ATP5F1A: variants seen among roughly 807,000 people sequenced by gnomAD.
ATP5F1A encodes the protein ATP synthase F(1) complex subunit alpha, mitochondrial.
A neutral mutation model predicts 57.4 loss-of-function variants in ATP5F1A; 24 were observed. The observed-to-expected ratio is 0.42, with a 90% CI of 0.30 to 0.59. ATP5F1A has a LOEUF of 0.59. ATP5F1A is among the 20% of genes least tolerant of loss of function. ATP5F1A has a pLI of 0.19. For missense variants in ATP5F1A, 494 were observed against 707.9 expected (o/e 0.70, Z 3.43); for synonymous variants, 251 against 255.5 (o/e 0.98, Z 0.17).
upstream of ATP5F1A, chr18:46,099,173 CAGA>C (rs1911188582): frequency 6.6e-6 from 1 of 152,218 alleles, no homozygotes; most frequent in African/African-American, 2.4e-5. Flanking sequence ...TGTCCAGAAT[CAGA>C]AGTTTACACC....
intron 2 of ATP5F1A, among the ~76,000 whole-genome samples, chr18:46,094,144 C>T (rs73440254): frequency 0.044 from 6,431 of 147,770 alleles, 443 homozygotes; most frequent in African/African-American, 0.15. Flanking sequence ...ATATGCTGAA[C>T]GTGGGGGTGT....
Position 46,086,214 on chromosome 18 carries a change from A to G in ATP5F1A, c.1328T>C (p.Val443Ala). 3 of 1,613,218 alleles carry G rather than the reference A, an allele frequency of 1.9e-6. No homozygotes were observed. Among genetic ancestry groups the G allele is most frequent in the Non-Finnish European group, 2.5e-6 (3 of 1,180,028 alleles). ...MKLELAQYRE[V>A]AAFAQFGSDL... ...AGAACCGAACTGGGCAAAAGCAGCAACCTCACGATACTGAGCCAATTCCAG... is the reference window on the plus strand; with the variant it reads ...AGAACCGAACTGGGCAAAAGCAGCAGCCTCACGATACTGAGCCAATTCCAG... The change falls in exon 10 of 12, where the codon GTT (valine) becomes GCT (alanine). Residue 443 changes from valine to alanine, a missense_variant. Transcript: ENST00000398752.
In ATP5F1A at chr18:46,089,816, A is replaced by C. The variant is rs1218895617; in HGVS notation, c.483+7T>G. On this transcript the variant is annotated splice_region_variant and intron_variant, in intron 4 of 11. Transcript: ENST00000398752. ...CTGCAACTATATCTAACGAACATTA[A>C]ACCTACCTTTCCATCAATAGCATTA... is the stretch of plus-strand genomic sequence containing the variant. The C allele has an allele frequency of 6.2e-7, 1 of 1,610,296 alleles. No homozygotes were observed. The highest frequency in any genetic ancestry group is 8.5e-7 in the Non-Finnish European group (1 of 1,178,038).
At chr18:46,094,951 A>G in intron 2 of ATP5F1A, 102 bp downstream of exon 2, 1 of 1,393,640 alleles carries the variant, frequency 7.2e-7, no homozygotes, top group Non-Finnish European at 9.4e-7. Flanking sequence ...CAAACTAGAG[A>G]AAAAACTAAC....
At chr18:46,085,972 G>A in intron 10 of ATP5F1A, 141 bp downstream of exon 10, 3 of 908,456 alleles carry the variant, frequency 3.3e-6, no homozygotes, top group Non-Finnish European at 4.7e-6. Context: ...AACAAATGTA[G>A]TTTAAGTAAA....
At chr18:46,087,905 G>A in intron 6 of ATP5F1A, 1 of 578,346 alleles carries the variant, frequency 1.7e-6, no homozygotes, top group Non-Finnish European at 2.9e-6. Flanking sequence ...GAGTTAATCA[G>A]AATCAAACAG....
chr18:46,089,177 C>T (rs111975757), intron 5 of ATP5F1A, among the ~76,000 whole-genome samples: 9,834 of 152,014 alleles, frequency 0.065, 415 homozygotes, highest in African/African-American at 0.12. Context: ...ATATGCTGAG[C>T]GCCGTTCCCC....
intron 5 of ATP5F1A, 167 bp downstream of exon 5, chr18:46,089,399 C>T (rs1426881914): frequency 6.7e-6 from 5 of 749,178 alleles, no homozygotes; most frequent in East Asian, 2.8e-5. Context: ...GAAATACCCA[C>T]AGGTGTGGAG....
At chr18:46,103,726 CA>C (rs1405588513) in intron 1 of ATP5F1A, among the ~76,000 whole-genome samples, 1 of 151,810 alleles carries the variant, frequency 6.6e-6, no homozygotes, top group East Asian at 1.9e-4. Flanking sequence ...CCAGCCTGGC[CA>C]ATATGGTGAA....
intron 1 of ATP5F1A, among the ~76,000 whole-genome samples, chr18:46,096,975 A>G (rs2144219743): frequency 8.4e-6 from 1 of 118,962 alleles, no homozygotes; most frequent in East Asian, 2.3e-4. Context: ...TGAGCGAGAC[A>G]CCATCTCAAA....
chr18:46,093,400 GGT>G (rs1286313877), intron 2 of ATP5F1A: 4 of 151,966 alleles, frequency 2.6e-5, no homozygotes, highest in Non-Finnish European at 5.9e-5. Flanking sequence ...AGCCAGCTGT[GGT>G]GGTGCATGCT....
At chr18:46,084,419 T>C in intron 11 of ATP5F1A, 56 bp from the exon 12 acceptor site, 1 of 1,587,514 alleles carries the variant, frequency 6.3e-7, no homozygotes, top group South Asian at 1.2e-5. Context: ...TTTTAATGAC[T>C]AGCCTAACTA....
At chr18:46,098,109 C>G (rs1911105247) in intron 1 of ATP5F1A, 63 bp downstream of exon 1, 1 of 1,538,746 alleles carries the variant, frequency 6.5e-7, no homozygotes, top group Non-Finnish European at 8.7e-7. Context: ...GCGCCCGAGC[C>G]GGCGCACCAC....
intron 3 of ATP5F1A, among the ~76,000 whole-genome samples, chr18:46,091,070 A>G (rs1368196082): frequency 6.6e-6 from 1 of 152,240 alleles, no homozygotes; most frequent in Non-Finnish European, 1.5e-5. Flanking sequence ...CTTTTTCCGT[A>G]GTAGACATTA....
At chr18:46,094,275 A>C (rs1910782993) in intron 2 of ATP5F1A, among the ~76,000 whole-genome samples, 2 of 152,132 alleles carry the variant, frequency 1.3e-5, no homozygotes, top group Admixed American at 1.3e-4. Context: ...CCCAACTTAT[A>C]GTGTCTTCCT....
At chr18:46,100,364 T>C (rs1380479691), upstream of ATP5F1A, among the ~76,000 whole-genome samples, 3 of 147,686 alleles carry the variant, frequency 2.0e-5, no homozygotes, top group Non-Finnish European at 4.5e-5. Context: ...TGGGAAGCAA[T>C]AATTGCCATT....
chr18:46,091,889 TG>T, intron 2 of ATP5F1A, 38 bp from the exon 3 acceptor site: 1 of 1,586,744 alleles, frequency 6.3e-7, no homozygotes, highest in Non-Finnish European at 8.6e-7. Context: ...AAAAATAATC[TG>T]GGCCAGGCAC....
rs1416388697 is a variant in ATP5F1A, at chr18:46,091,823, T to C, written c.168A>G (p.Glu56=). The change falls in exon 3 of 12, where the codon GAA becomes GAG. Residue 56 remains glutamate (E), a synonymous_variant. Coordinates refer to ENST00000398752, the MANE Select transcript of ATP5F1A (RefSeq NM_004046.6). ...TGTAEMSSIL[E]ERILGADTSV... is the part of the protein sequence containing the mutation. ...AGGTATCAGCTCCAAGAATACGCTC[T>C]TCAAGAATAGAGGACATCTCAGCAG... 6.2e-7 allele frequency: 1 copy of C among 1,613,406 alleles called. No individual in the cohort carries two copies. The highest frequency in any genetic ancestry group is 8.5e-7 in the Non-Finnish European group (1 of 1,179,862).
upstream of ATP5F1A, among the ~76,000 whole-genome samples, chr18:46,102,173 CAA>C (rs1225574441): frequency 3.6e-5 from 4 of 110,090 alleles, no homozygotes; most frequent in Non-Finnish European, 2.0e-5. Context: ...GACTCCCTCT[CAA>C]AAAAAAAAAA....
Sources: gnomAD v4.1 joint callset for allele counts (sites outside exome capture counted in the v4.1 genomes callset) on GRCh38, gnomAD v4.1.1 for gene constraint, MANE v1.5 for transcripts, NCBI Gene and HGNC (gene_info 2026-07-23, HGNC 2026-07-21) for gene names.